NEK11: variants seen among roughly 807,000 people sequenced by gnomAD.
NEK11 encodes serine/threonine-protein kinase Nek11.
In NEK11, 72 loss-of-function variants were observed where a neutral mutation model predicts 80.7. The observed-to-expected ratio is 0.89, with a 90% CI of 0.74 to 1.08. The LOEUF (loss-of-function observed/expected upper bound fraction) is 1.08. Among genes scored for constraint, NEK11 ranks in the 50% least tolerant of loss-of-function variants. The pLI, the probability that NEK11 is intolerant of heterozygous loss-of-function variation, is 0.00. For missense variants in NEK11, 764 were observed against 763.6 expected (o/e 1.00, Z -0.01); for synonymous variants, 251 against 260.7 (o/e 0.96, Z 0.36).
intron 15 of NEK11, among the ~76,000 whole-genome samples, chr3:131,233,340 C>T (rs963930905): frequency 2.6e-5 from 4 of 152,286 alleles, no homozygotes; most frequent in South Asian, 4.1e-4. Context: ...CATTGGATCC[C>T]GAAGGTGTTG....
At chr3:131,116,132 C>G (rs1007891092) in intron 5 of NEK11, among the ~76,000 whole-genome samples, 2 of 151,932 alleles carry the variant, frequency 1.3e-5, no homozygotes, top group Non-Finnish European at 2.9e-5. Context: ...GCCTTCCCCC[C>G]ACCCCATGAC....
chr3:131,175,192 T>A, intron 14 of NEK11: 2 of 826,844 alleles, frequency 2.4e-6, no homozygotes, highest in Non-Finnish European at 2.9e-6. Flanking sequence ...ACTCACTCAC[T>A]AATTCCACTT....
chr3:131,217,838 A>G (rs2094893868), intron 14 of NEK11, among the ~76,000 whole-genome samples: 2 of 152,198 alleles, frequency 1.3e-5, no homozygotes, highest in South Asian at 4.1e-4. Flanking sequence ...CTTTCTACCT[A>G]CTAAATTAAT....
At chr3:131,137,920 T>C (rs2085941321) in intron 7 of NEK11, among the ~76,000 whole-genome samples, 1 of 152,194 alleles carries the variant, frequency 6.6e-6, no homozygotes, top group Non-Finnish European at 1.5e-5. Context: ...GTACATGAAA[T>C]ATTTTGATAT....
chr3:131,201,082 T>C (rs907282620), intron 14 of NEK11, among the ~76,000 whole-genome samples: 8 of 152,094 alleles, frequency 5.3e-5, no homozygotes, highest in Non-Finnish European at 8.8e-5. Context: ...CTTGTAGACA[T>C]GATATAACTA....
intron 16 of NEK11, among the ~76,000 whole-genome samples, chr3:131,255,048 G>GAC (rs2095782264): frequency 3.4e-5 from 4 of 117,570 alleles, no homozygotes; most frequent in East Asian, 2.7e-4. Flanking sequence ...GAGAGAGAGA[G>GAC]AGAGACAGAC....
chr3:131,132,659 CAT>C (rs2084711776), intron 5 of NEK11, 84 bp from the exon 6 acceptor site: 12 of 684,988 alleles, frequency 1.8e-5, no homozygotes, highest in Middle Eastern at 4.8e-4. Context: ...ATGTGTAAAT[CAT>C]GTGCAACAAC....
intron 17 of NEK11, among the ~76,000 whole-genome samples, chr3:131,304,879 G>A (rs1347751202): frequency 1.3e-5 from 2 of 152,156 alleles, no homozygotes; most frequent in African/African-American, 2.4e-5. Context: ...TAGTCATGGG[G>A]TATACATGTG....
At chr3:131,054,236 G>T (rs537400427) in intron 3 of NEK11, among the ~76,000 whole-genome samples, 18 of 152,286 alleles carry the variant, frequency 1.2e-4, no homozygotes, top group African/African-American at 4.3e-4. Flanking sequence ...TCTGGGGGCT[G>T]AGTTGGGAGG....
intron 3 of NEK11, among the ~76,000 whole-genome samples, chr3:131,069,009 T>C (rs893027395): frequency 6.6e-6 from 1 of 152,178 alleles, no homozygotes; most frequent in Non-Finnish European, 1.5e-5. Flanking sequence ...GCCATGATGA[T>C]GAAATAGAGA....
chr3:131,194,925 T>C (rs1031080122), intron 14 of NEK11, among the ~76,000 whole-genome samples: 1 of 152,138 alleles, frequency 6.6e-6, no homozygotes, highest in South Asian at 2.1e-4. Context: ...GTTCTGAAAC[T>C]TTCCCAAGTT....
intron 17 of NEK11, among the ~76,000 whole-genome samples, chr3:131,304,680 A>T (rs1038218169): frequency 2.6e-5 from 4 of 152,094 alleles, no homozygotes; most frequent in Admixed American, 1.3e-4. Flanking sequence ...CTAACTCTAG[A>T]GGCTGGTACC....
chr3:131,279,573 A>T (rs2096362191), intron 17 of NEK11, among the ~76,000 whole-genome samples: 1 of 152,136 alleles, frequency 6.6e-6, no homozygotes, highest in South Asian at 2.1e-4. Flanking sequence ...TCTGTCCCCG[A>T]AAATTCCCTG....
chr3:131,213,529 AG>A (rs2083182963), intron 14 of NEK11, among the ~76,000 whole-genome samples: 1 of 152,224 alleles, frequency 6.6e-6, no homozygotes, highest in Admixed American at 6.5e-5. Context: ...ACGAGAAAAA[AG>A]TAAAAGAGAG....
intron 16 of NEK11, among the ~76,000 whole-genome samples, chr3:131,248,076 T>G (rs1161954029): frequency 2.6e-5 from 4 of 152,050 alleles, no homozygotes; most frequent in Non-Finnish European, 2.9e-5. Context: ...CCAATTTGGG[T>G]GCTATTTATT....
At chr3:131,233,784 T>C (rs1202475246) in intron 15 of NEK11, among the ~76,000 whole-genome samples, 1 of 152,186 alleles carries the variant, frequency 6.6e-6, no homozygotes, top group East Asian at 1.9e-4. Flanking sequence ...TACGTGCAAA[T>C]CAGCTATTTC....
At position 131,154,244 on chromosome 3, in the gene NEK11, G is replaced by A. The variant is rs533788266; in HGVS notation, c.877-792G>A. 7.9e-5 allele frequency among the ~76,000 whole-genome samples: 12 copies of A among 151,996 alleles called. No homozygotes were observed. In the South Asian group the frequency reaches 2.5e-3, roughly 32 times the overall value. ...AAAGAGCCTCATATGCTGGTTGTGG[G>A]GATCAAAAACACATTGAAGAGGCTT... On this transcript the variant is annotated intron_variant, in intron 9 of 17. Transcript: ENST00000383366.
intron 3 of NEK11, among the ~76,000 whole-genome samples, chr3:131,043,102 T>A (rs969092211): frequency 6.6e-6 from 1 of 151,954 alleles, no homozygotes; most frequent in Non-Finnish European, 1.5e-5. Flanking sequence ...AAAAACTTCA[T>A]CCAAAGGTCA....
chr3:131,153,061 T>G (rs2089996984), intron 9 of NEK11, among the ~76,000 whole-genome samples: 1 of 152,172 alleles, frequency 6.6e-6, no homozygotes, highest in African/African-American at 2.4e-5. Flanking sequence ...CACTCCAGCC[T>G]GGCAACAGAG....
Sources: gnomAD v4.1 joint callset for allele counts (sites outside exome capture counted in the v4.1 genomes callset) on GRCh38, gnomAD v4.1.1 for gene constraint, MANE v1.5 for transcripts, NCBI Gene and HGNC (gene_info 2026-07-23, HGNC 2026-07-21) for gene names.